MYOM1: variants seen among roughly 807,000 people sequenced by gnomAD.
MYOM1 encodes myomesin 1, also known as myomesin-1.
In MYOM1, 164 loss-of-function variants were observed where a neutral mutation model predicts 205.3. That is an observed-to-expected ratio of 0.80 (90% CI 0.70 to 0.91). The LOEUF (loss-of-function observed/expected upper bound fraction) is 0.91, where lower values mean the gene tolerates loss of function less well. Ranked by LOEUF, MYOM1 falls within the 40% of genes least tolerant of loss-of-function variation. MYOM1 has a pLI of 0.00. For synonymous variants in MYOM1, 772 were observed against 789.4 expected (o/e 0.98, Z 0.37); for missense variants, 2,011 against 2,127.3 (o/e 0.95, Z 1.08).
chr18:3,154,922 A>T (rs886546635), intron 11 of MYOM1, 25 bp downstream of exon 11: 1 of 1,602,422 alleles, frequency 6.2e-7, no homozygotes, highest in Non-Finnish European at 8.5e-7. Context: ...AAATAACTGT[A>T]ATTGATGTTA....
chr18:3,155,011 T>A lies in MYOM1; in HGVS notation c.1579A>T (p.Ile527Phe). The A allele has an allele frequency of 3.1e-6, 5 of 1,613,470 alleles. No homozygotes were observed. The East Asian group carries it at 1.1e-4, about 36-fold the overall frequency. Reference sequence around the variant, plus strand: ...ACAGCTGGCTGTTTCCAGGAGATGATGATATAATCTTTGTTGGCCTCCAAG... The same window carrying A: ...ACAGCTGGCTGTTTCCAGGAGATGAAGATATAATCTTTGTTGGCCTCCAAG... Reference protein sequence around the residue: ...KCLEANKDYIIISWKQPAVDG... With the variant: ...KCLEANKDYIFISWKQPAVDG... The change falls in exon 11 of 38, where the codon ATC becomes TTC. Residue 527 changes from isoleucine to phenylalanine, a missense_variant. Physicochemically the swap from Ile to Phe is conservative, Grantham distance 21. Transcript: ENST00000356443.
Position 3,189,022 on chromosome 18 carries a change from A to G in MYOM1, c.497T>C (p.Ile166Thr), listed in dbSNP as rs747331423. The change falls in exon 4 of 38, where the codon ATA becomes ACA. Residue 166 changes from isoleucine to threonine, a missense_variant. Transcript: ENST00000356443. This position sits in a 1 kb window ranked among gnomAD's most constrained non-coding sequence, Gnocchi z 4.8. The stretch of plus-strand genomic sequence containing the variant: ...ACTAGCAAGAAGATTCCTCTGGGCT[A>G]TATAAGCAGCAGCTTCTTTAATTCT... ...EERIKEAAAY[I>T]AQRNLLASEE... 2.4e-5 allele frequency: 39 copies of G among 1,613,754 alleles called. No homozygotes were observed. The highest frequency in any genetic ancestry group is 5.1e-6 in the Non-Finnish European group (6 of 1,179,858).
intron 2 of MYOM1, among the ~76,000 whole-genome samples, chr18:3,197,295 G>A (rs899443404): frequency 5.3e-5 from 8 of 151,854 alleles, no homozygotes; most frequent in African/African-American, 1.9e-4. Flanking sequence ...CGCCACCATG[G>A]CCAGCTAATT....
chr18:3,227,607 A>C, the MYOM1 span, among the ~76,000 whole-genome samples: 94 of 152,268 alleles, frequency 6.2e-4, no homozygotes, highest in South Asian at 1.2e-3. Context: ...TCACAAGGTC[A>C]GGAGTTTGAG....
intron 2 of MYOM1, among the ~76,000 whole-genome samples, chr18:3,194,190 C>T (rs1311823880): frequency 6.6e-6 from 1 of 152,110 alleles, no homozygotes; most frequent in Non-Finnish European, 1.5e-5. Flanking sequence ...ACAGTAATTG[C>T]ATGGCTTTTT....
chr18:3,177,793 C>T (rs1053595866), intron 5 of MYOM1, among the ~76,000 whole-genome samples: 9 of 152,206 alleles, frequency 5.9e-5, no homozygotes, highest in Non-Finnish European at 1.0e-4. Context: ...TTGTATTGAA[C>T]GATCATTATA....
At chr18:3,162,894 T>C (rs112614369) in intron 10 of MYOM1, among the ~76,000 whole-genome samples, 31,191 of 151,486 alleles carry the variant, frequency 0.21, 3,372 homozygotes, top group East Asian at 0.37. Flanking sequence ...GGCATGGTGG[T>C]GGGCGCCTGT....
chr18:3,132,922 C>T (rs1051121045), intron 16 of MYOM1, among the ~76,000 whole-genome samples: 1 of 152,114 alleles, frequency 6.6e-6, no homozygotes, highest in Non-Finnish European at 1.5e-5. Context: ...AACAGGTCTG[C>T]TAACGAATCT....
At chr18:3,098,667 G>A (rs535400856) in intron 25 of MYOM1, among the ~76,000 whole-genome samples, 1 of 152,312 alleles carries the variant, frequency 6.6e-6, no homozygotes, top group Admixed American at 6.5e-5. Context: ...ATAAAAGTGA[G>A]CTGCCCAGGC....
chr18:3,241,277 A>G, the MYOM1 span, among the ~76,000 whole-genome samples: 2 of 152,188 alleles, frequency 1.3e-5, no homozygotes, highest in Non-Finnish European at 2.9e-5. Flanking sequence ...ACTGGAGGCC[A>G]AGGAGGAAAA....
In MYOM1 at chr18:3,094,225, G is replaced by T; in HGVS notation, c.3809C>A (p.Ser1270Tyr). Residue 1270 changes from serine (S) to tyrosine (Y), a missense_variant, in exon 26 of 38, where the codon TCT becomes TAT. Transcript: ENST00000356443. ...VRFWMQAEKLSGNAKVNYIFN... is the reference protein window; with the variant it reads ...VRFWMQAEKLYGNAKVNYIFN... ...TATGTAGTTGACTTTGGCATTGCCA[G>T]ACAGTTTCTCAGCCTGCATCCAAAA... 6.2e-7 allele frequency: 1 copy of T among 1,613,974 alleles called. No homozygotes were observed. Among genetic ancestry groups the T allele is most frequent in the Non-Finnish European group, 8.5e-7 (1 of 1,179,874 alleles).
the MYOM1 span, among the ~76,000 whole-genome samples, chr18:3,240,132 GATTA>G: frequency 1.3e-5 from 2 of 152,128 alleles, no homozygotes; most frequent in African/African-American, 2.4e-5. Flanking sequence ...TGTGTCATAA[GATTA>G]ATTTAGTAAA....
chr18:3,068,128 C>G (rs2078919015), intron 37 of MYOM1, among the ~76,000 whole-genome samples: 1 of 152,114 alleles, frequency 6.6e-6, no homozygotes, highest in South Asian at 2.1e-4. Flanking sequence ...AGAAAATATT[C>G]CCATCTGTGC....
chr18:3,120,102 G>A, intron 19 of MYOM1, 107 bp from the exon 20 acceptor site: 2 of 1,424,280 alleles, frequency 1.4e-6, no homozygotes, highest in Non-Finnish European at 1.9e-6. Context: ...CACACCCTAG[G>A]GTGACCCTCA....
chr18:3,132,962 A>G (rs1462445852), intron 16 of MYOM1, among the ~76,000 whole-genome samples: 1 of 152,166 alleles, frequency 6.6e-6, no homozygotes, highest in Non-Finnish European at 1.5e-5. Flanking sequence ...AGTATTTAAC[A>G]AAGGAGCCAT....
rs1217025101 is a variant in MYOM1, at chr18:3,067,475, T to C, written c.4845A>G (p.Ser1615=). 4 of 1,613,720 alleles carry C rather than the reference T, an allele frequency of 2.5e-6. No homozygotes were observed. In the African/African-American group the frequency reaches 5.3e-5, roughly 22 times the overall value. ...SWLKNEKALA[S]DDHCNLKFEA... ...CGAACTTGAGGTTGCAGTGGTCGTC[T>C]GAGGCCAGGGCCTTCTCGTTCTTCA... is the stretch of plus-strand genomic sequence containing the variant. The change falls in exon 38 of 38, where the codon TCA becomes TCG. Residue 1615 remains serine (S), a synonymous_variant. Transcript: ENST00000356443.
chr18:3,138,589 C>T (rs970174225), intron 14 of MYOM1, among the ~76,000 whole-genome samples: 5 of 152,132 alleles, frequency 3.3e-5, no homozygotes, highest in South Asian at 2.1e-4. Context: ...TCCTGAGGGA[C>T]GAAACTCTCT....
intron 10 of MYOM1, among the ~76,000 whole-genome samples, chr18:3,162,199 C>T (rs1421447337): frequency 6.6e-6 from 1 of 152,266 alleles, no homozygotes; most frequent in Non-Finnish European, 1.5e-5. Context: ...CTTCCTGAGG[C>T]GAGCCAATTC....
intron 25 of MYOM1, among the ~76,000 whole-genome samples, chr18:3,094,512 C>T (rs2079273317): frequency 6.6e-6 from 1 of 152,096 alleles, no homozygotes; most frequent in South Asian, 2.1e-4. Flanking sequence ...CTGGGACTGT[C>T]ACTTGGAGCA....
Sources: gnomAD v4.1 joint callset for allele counts (sites outside exome capture counted in the v4.1 genomes callset) on GRCh38, gnomAD v4.1.1 for gene constraint, Gnocchi (gnomAD v3.1) non-coding constraint, MANE v1.5 for transcripts, NCBI Gene and HGNC (gene_info 2026-07-23, HGNC 2026-07-21) for gene names.